GLCCI1: variants seen among roughly 807,000 people sequenced by gnomAD.
GLCCI1 encodes glucocorticoid-induced transcript 1 protein.
GLCCI1 carries 24 observed loss-of-function variants against 52.2 expected under a neutral mutation model. That is an observed-to-expected ratio of 0.46 (90% confidence interval 0.33 to 0.65). The LOEUF (loss-of-function observed/expected upper bound fraction) is 0.65. Among genes scored for constraint, GLCCI1 ranks in the 30% least tolerant of loss-of-function variants. GLCCI1 has a pLI of 0.02. For missense variants in GLCCI1, 704 were observed against 701.5 expected (o/e 1.00, Z -0.04); for synonymous variants, 310 against 276.5 (o/e 1.12, Z -1.20).
At chr7:7,976,369 C>G (rs757377864) in intron 1 of GLCCI1, among the ~76,000 whole-genome samples, 6 of 148,730 alleles carry the variant, frequency 4.0e-5, no homozygotes, top group Non-Finnish European at 5.9e-5. Flanking sequence ...ATCCCAGTTA[C>G]TCGGGAGGCT....
intron 1 of GLCCI1, among the ~76,000 whole-genome samples, chr7:7,979,085 C>T (rs1019069312): frequency 6.6e-6 from 1 of 152,184 alleles, no homozygotes; most frequent in Non-Finnish European, 1.5e-5. Flanking sequence ...TAGGACTTAA[C>T]TAAACTGGTG....
Position 7,969,531 on chromosome 7 carries a change from C to A in GLCCI1, c.181C>A (p.Leu61Met). 1 of 992,532 alleles carries A rather than the reference C, an allele frequency of 1.0e-6. No individual in the cohort carries two copies. Among genetic ancestry groups the A allele is most frequent in the East Asian group, 1.1e-4 (1 of 9,102 alleles). 61.5% of individuals were successfully genotyped at this position (992,532 alleles called of 1,614,324 possible). The change falls in exon 1 of 8, where the codon CTG becomes ATG. Residue 61 changes from leucine (L) to methionine (M), a missense_variant. By Grantham distance (15) the Leu-to-Met change is conservative. Transcript: ENST00000223145. This position sits in a 1 kb window ranked among gnomAD's most constrained non-coding sequence, Gnocchi z 4.9. ...CCCGGCTGCGGGAGCCGGCCGGCTG[C>A]TGCAGCCCATCCGCGCCACGGTGCC... ...CAPAAGAGRLLQPIRATVPYQ... is the reference protein window; with the variant it reads ...CAPAAGAGRLMQPIRATVPYQ...
intron 3 of GLCCI1, among the ~76,000 whole-genome samples, chr7:8,037,339 G>C (rs1781888940): frequency 6.6e-6 from 1 of 152,188 alleles, no homozygotes; most frequent in African/African-American, 2.4e-5. Context: ...CCAGACACGT[G>C]AATGCCAAAG....
chr7:8,079,964 T>C (rs1330122981), intron 6 of GLCCI1, among the ~76,000 whole-genome samples: 1 of 151,590 alleles, frequency 6.6e-6, no homozygotes, highest in Non-Finnish European at 1.5e-5. Context: ...TTCTTTAGTA[T>C]TCTCACAAGG....
At chr7:8,051,507 G>C (rs1436515504) in intron 3 of GLCCI1, among the ~76,000 whole-genome samples, 1 of 152,154 alleles carries the variant, frequency 6.6e-6, no homozygotes, top group Non-Finnish European at 1.5e-5. Flanking sequence ...CTGCTCTTCA[G>C]CTGTTACCTT....
intron 1 of GLCCI1, among the ~76,000 whole-genome samples, chr7:7,973,808 C>T (rs1370362085): frequency 2.0e-5 from 3 of 151,790 alleles, no homozygotes; most frequent in African/African-American, 7.3e-5. Context: ...ATATGTTTGC[C>T]TGTGTTCATT....
chr7:7,983,329 A>G (rs1015824978), intron 1 of GLCCI1, among the ~76,000 whole-genome samples: 6 of 152,194 alleles, frequency 3.9e-5, no homozygotes, highest in African/African-American at 1.2e-4. Context: ...ATATTATTCT[A>G]TTATTGAATT....
chr7:7,990,241 C>G (rs1046466366), intron 1 of GLCCI1, among the ~76,000 whole-genome samples: 5 of 152,012 alleles, frequency 3.3e-5, no homozygotes, highest in Admixed American at 2.0e-4. Context: ...ATTTCTTGGG[C>G]ACTTAGGGTG....
intron 5 of GLCCI1, among the ~76,000 whole-genome samples, chr7:8,065,186 G>A (rs1261707225): frequency 6.6e-6 from 1 of 152,052 alleles, no homozygotes; most frequent in Non-Finnish European, 1.5e-5. Context: ...ATGTGATTGT[G>A]TTCTGTATTT....
At chr7:8,052,507 C>T (rs1378141443) in intron 3 of GLCCI1, among the ~76,000 whole-genome samples, 1 of 152,152 alleles carries the variant, frequency 6.6e-6, no homozygotes, top group Non-Finnish European at 1.5e-5. Flanking sequence ...AAACACTGTT[C>T]TGTGGAATCT....
At chr7:8,030,277 A>G (rs1781717085) in intron 3 of GLCCI1, among the ~76,000 whole-genome samples, 1 of 152,174 alleles carries the variant, frequency 6.6e-6, no homozygotes, top group Non-Finnish European at 1.5e-5. Context: ...CAAAGGTGCT[A>G]AGAACACACA....
At chr7:7,971,948 A>C (rs896628657) in intron 1 of GLCCI1, among the ~76,000 whole-genome samples, 5 of 152,116 alleles carry the variant, frequency 3.3e-5, no homozygotes, top group Admixed American at 2.0e-4. Flanking sequence ...CTTACATTGC[A>C]GTGATTTTTG....
chr7:8,080,322 G>C lies in GLCCI1; in HGVS notation c.1178-4575G>C, dbSNP rs988875032. On this transcript the variant is annotated intron_variant, in intron 6 of 7. Coordinates refer to ENST00000223145, the MANE Select transcript of GLCCI1 (RefSeq NM_138426.4). ...ATTTTATGCTTTAGTATGTCATTGA[G>C]TAAAGTGTTGGTTGAACAGTGTACT... 9.2e-5 allele frequency among the ~76,000 whole-genome samples: 14 copies of C among 151,536 alleles called. 1 individual carries two copies. Among genetic ancestry groups the C allele is most frequent in the African/African-American group, 3.4e-4 (14 of 40,840 alleles).
chr7:8,060,408 T>C (rs911547035), intron 5 of GLCCI1, among the ~76,000 whole-genome samples, 160 bp downstream of exon 5: 9 of 152,214 alleles, frequency 5.9e-5, no homozygotes, highest in Non-Finnish European at 1.3e-4. Context: ...TTCAGAGTTA[T>C]ACAACTGTCA....
chr7:8,012,351 T>TATATA (rs1266937574), intron 2 of GLCCI1, among the ~76,000 whole-genome samples: 6 of 152,022 alleles, frequency 3.9e-5, no homozygotes, highest in African/African-American at 1.4e-4. Flanking sequence ...TAGGAGTTCT[T>TATATA]TATATATACT....
intron 2 of GLCCI1, among the ~76,000 whole-genome samples, chr7:8,017,275 C>T (rs1781398245): frequency 6.6e-6 from 1 of 152,070 alleles, no homozygotes; most frequent in Non-Finnish European, 1.5e-5. Flanking sequence ...ACCTGTGTTG[C>T]TGATTTTCTG....
intron 5 of GLCCI1, among the ~76,000 whole-genome samples, chr7:8,068,865 T>C (rs1201600418): frequency 1.3e-5 from 2 of 152,214 alleles, no homozygotes; most frequent in African/African-American, 4.8e-5. Context: ...GTAGCTGACT[T>C]ATTGTCCTTA....
At chr7:8,051,725 G>C (rs1386615813) in intron 3 of GLCCI1, among the ~76,000 whole-genome samples, 1 of 152,142 alleles carries the variant, frequency 6.6e-6, no homozygotes, top group African/African-American at 2.4e-5. Flanking sequence ...TCCCTCATTA[G>C]AATGATGTTG....
chr7:8,039,819 A>G (rs1781955904), intron 3 of GLCCI1, among the ~76,000 whole-genome samples: 1 of 152,118 alleles, frequency 6.6e-6, no homozygotes, highest in Non-Finnish European at 1.5e-5. Flanking sequence ...CAACGTGGTG[A>G]AACCCCGTCT....
Sources: allele counts gnomAD v4.1 joint callset (sites outside exome capture counted in the v4.1 genomes callset), GRCh38; gene constraint gnomAD v4.1.1; non-coding constraint Gnocchi (gnomAD v3.1); transcripts MANE v1.5; gene names NCBI Gene and HGNC (gene_info 2026-07-23, HGNC 2026-07-21).